Variants in PAG1 observed in about 807,000 individuals in gnomAD.
The protein encoded by PAG1 is phosphoprotein associated with glycosphingolipid-enriched microdomains 1.
In PAG1, 23 loss-of-function variants were observed where a neutral mutation model predicts 31.7. The ratio of observed to expected loss-of-function variants is 0.73; its 90% CI spans 0.52 to 1.03. The LOEUF (loss-of-function observed/expected upper bound fraction) is 1.03, where lower values mean the gene tolerates loss of function less well. Among genes scored for constraint, PAG1 ranks in the 50% least tolerant of loss-of-function variants. The pLI is 0.00. For synonymous variants in PAG1, 214 were observed against 210.3 expected, an observed-to-expected ratio of 1.02 and a Z score of -0.15; for missense variants, 473 against 540.7, an observed-to-expected ratio of 0.87 and a Z score of 1.24.
chr8:81,015,892 T>G (rs1460382773), intron 3 of PAG1, among the ~76,000 whole-genome samples: 2 of 152,194 alleles, frequency 1.3e-5, no homozygotes, highest in Non-Finnish European at 2.9e-5. Context: ...TGACTCCCTT[T>G]AGCTCATGGA....
At chr8:81,030,563 C>T (rs2130788040) in intron 2 of PAG1, among the ~76,000 whole-genome samples, 1 of 152,316 alleles carries the variant, frequency 6.6e-6, no homozygotes, top group East Asian at 1.9e-4. Context: ...TAGAAGGAGA[C>T]TTTGGTGCAG....
chr8:81,059,190 G>T (rs1808877162), intron 2 of PAG1, among the ~76,000 whole-genome samples: 1 of 151,904 alleles, frequency 6.6e-6, no homozygotes, highest in African/African-American at 2.4e-5. Flanking sequence ...CATTGTAAAT[G>T]CTATGTAAGT....
At chr8:81,048,515 C>A (rs578246917) in intron 2 of PAG1, among the ~76,000 whole-genome samples, 6 of 152,168 alleles carry the variant, frequency 3.9e-5, no homozygotes, top group African/African-American at 1.2e-4. Flanking sequence ...TTCTCTGGGC[C>A]CAGAGAGGCC....
chr8:81,057,238 A>C (rs1323019225), intron 2 of PAG1, among the ~76,000 whole-genome samples: 4 of 152,220 alleles, frequency 2.6e-5, no homozygotes, highest in Non-Finnish European at 2.9e-5. Flanking sequence ...TCAAAGGACT[A>C]TAAATCATGC....
intron 1 of PAG1, among the ~76,000 whole-genome samples, chr8:81,090,495 AT>A (rs1735498025): frequency 6.6e-6 from 1 of 152,268 alleles, no homozygotes; most frequent in African/African-American, 2.4e-5. Context: ...AAGATGTGAC[AT>A]CGGCCTTCAA....
chr8:81,029,600 A>C (rs946219291), intron 3 of PAG1, among the ~76,000 whole-genome samples: 5 of 152,174 alleles, frequency 3.3e-5, no homozygotes, highest in African/African-American at 1.2e-4. Flanking sequence ...AATACAGCAT[A>C]TATTTTATTT....
chr8:80,985,199 C>A lies in PAG1; in HGVS notation c.453G>T (p.Val151=). The A allele has an allele frequency of 6.2e-7, 1 of 1,614,120 alleles. No individual in the cohort carries two copies. Among genetic ancestry groups the A allele is most frequent in the African/African-American group, 1.3e-5 (1 of 75,004 alleles). The change falls in exon 7 of 9, where the codon GTG becomes GTT. Residue 151 remains valine, a synonymous_variant. Coordinates refer to ENST00000220597, the MANE Select transcript of PAG1 (RefSeq NM_018440.4). ...CCATCCCCAGCCCCTGGTCCCCGTC[C>A]ACACTTCTCGCCGTGAGCATGGTAT... ...AVDTMLTARS[V]DGDQGLGMEG...
intron 3 of PAG1, among the ~76,000 whole-genome samples, chr8:81,025,641 AG>A (rs1808263003): frequency 6.6e-6 from 1 of 152,228 alleles, no homozygotes; most frequent in Non-Finnish European, 1.5e-5. Flanking sequence ...AAGGAGGGGC[AG>A]GGCAGTACCC....
chr8:81,103,417 C>A (rs1809641436), intron 1 of PAG1, among the ~76,000 whole-genome samples: 1 of 152,216 alleles, frequency 6.6e-6, no homozygotes. Context: ...CTACCACTTA[C>A]TAGCTGTGTT....
intron 2 of PAG1, among the ~76,000 whole-genome samples, chr8:81,050,400 G>A (rs1808709306): frequency 6.6e-6 from 1 of 151,978 alleles, no homozygotes; most frequent in Non-Finnish European, 1.5e-5. Context: ...AAGGTGGCTG[G>A]AGAAGACCCT....
intron 1 of PAG1, among the ~76,000 whole-genome samples, chr8:81,105,501 C>T (rs905785316): frequency 2.6e-5 from 4 of 152,078 alleles, no homozygotes; most frequent in Non-Finnish European, 4.4e-5. Context: ...ACTCTGGTTG[C>T]AATTCCCAAC....
intron 2 of PAG1, among the ~76,000 whole-genome samples, chr8:81,038,994 A>G (rs1808508684): frequency 1.3e-5 from 2 of 152,200 alleles, no homozygotes; most frequent in Admixed American, 1.3e-4. Flanking sequence ...ACACCCTAAC[A>G]AGAGTTTTGC....
chr8:81,053,885 CG>C, intron 2 of PAG1, among the ~76,000 whole-genome samples: 1 of 152,216 alleles, frequency 6.6e-6, no homozygotes, highest in East Asian at 1.9e-4. Context: ...TCAGGGTATG[CG>C]AATGCTTTCT....
chr8:81,049,876 G>C (rs1808698873), intron 2 of PAG1, among the ~76,000 whole-genome samples: 1 of 152,148 alleles, frequency 6.6e-6, no homozygotes, highest in Admixed American at 6.5e-5. Flanking sequence ...CTGACTCCCA[G>C]TAGTTAATCA....
At chr8:81,049,907 A>G (rs1198116978) in intron 2 of PAG1, among the ~76,000 whole-genome samples, 1 of 152,144 alleles carries the variant, frequency 6.6e-6, no homozygotes, top group African/African-American at 2.4e-5. Context: ...GATTCAGTAA[A>G]TATTTACTGA....
chr8:81,056,451 C>G (rs1401048205), intron 2 of PAG1, among the ~76,000 whole-genome samples: 3 of 152,084 alleles, frequency 2.0e-5, no homozygotes, highest in East Asian at 1.9e-4. Context: ...ACAAACCTGA[C>G]AAAAACAAGA....
At chr8:81,074,033 G>A (rs1003585854) in intron 1 of PAG1, among the ~76,000 whole-genome samples, 8 of 152,232 alleles carry the variant, frequency 5.3e-5, no homozygotes, top group Non-Finnish European at 7.3e-5. Context: ...CTGGCCAGGT[G>A]TGGGCACACG....
chr8:81,067,441 A>G (rs893855452), intron 2 of PAG1: 2 of 152,270 alleles, frequency 1.3e-5, no homozygotes, highest in Non-Finnish European at 2.9e-5. Flanking sequence ...GCCTAGAGAT[A>G]GCTAAGATTT....
chr8:81,100,282 GT>G (rs1809588745), intron 1 of PAG1, among the ~76,000 whole-genome samples: 1 of 152,178 alleles, frequency 6.6e-6, no homozygotes, highest in South Asian at 2.1e-4. Flanking sequence ...AGCCTAGTAG[GT>G]GTTCAATAAA....
Sources: allele counts gnomAD v4.1 joint callset (sites outside exome capture counted in the v4.1 genomes callset), GRCh38; gene constraint gnomAD v4.1.1; transcripts MANE v1.5; gene names NCBI Gene and HGNC (gene_info 2026-07-23, HGNC 2026-07-21).